The following PPIL2 variants were observed in gnomAD, a reference collection of about 807,000 sequenced individuals.
The protein encoded by PPIL2 is RING-type E3 ubiquitin-protein ligase PPIL2.
In PPIL2, 50 loss-of-function variants were observed where a neutral mutation model predicts 75.2. The ratio of observed to expected loss-of-function variants is 0.66; its 90% CI spans 0.53 to 0.84. The LOEUF (loss-of-function observed/expected upper bound fraction) is 0.84. PPIL2 is among the 40% of genes least tolerant of loss of function. The pLI, the probability that PPIL2 is intolerant of heterozygous loss-of-function variation, is 0.00. For synonymous variants in PPIL2, 245 were observed against 258.8 expected (o/e 0.95, Z 0.51); for missense variants, 590 against 685.0 (o/e 0.86, Z 1.55).
At chr22:21,679,262 G>A (rs1337250768) in intron 6 of PPIL2, among the ~76,000 whole-genome samples, 1 of 151,756 alleles carries the variant, frequency 6.6e-6, no homozygotes, top group Non-Finnish European at 1.5e-5. Flanking sequence ...GGCTGGTCTT[G>A]AAGTCCTGGG....
At chr22:21,674,787 A>G (rs1057128129) in intron 5 of PPIL2, among the ~76,000 whole-genome samples, 4 of 152,242 alleles carry the variant, frequency 2.6e-5, no homozygotes, top group African/African-American at 9.6e-5. Context: ...ACCCTGCAGA[A>G]GTATAACACA....
intron 6 of PPIL2, 148 bp from the exon 7 acceptor site, chr22:21,681,151 G>C (rs988921170): frequency 9.1e-6 from 6 of 660,234 alleles, no homozygotes; most frequent in Non-Finnish European, 1.4e-5. Flanking sequence ...TGTCCCCATG[G>C]TTCCCTGCTC....
chr22:21,670,373 C>A, intron 2 of PPIL2, 193 bp from the exon 3 acceptor site: 1 of 1,502,430 alleles, frequency 6.7e-7, no homozygotes, highest in Non-Finnish European at 8.9e-7. Flanking sequence ...ATGCACTTTT[C>A]CCAGTAAGTT....
Position 21,695,953 on chromosome 22 carries a change from C to A in PPIL2, c.*463C>A. On this transcript the variant is annotated 3_prime_UTR_variant, in exon 20 of 20. Transcript: ENST00000398831. ...CCTCCTGCCTCAGCCTCGCAAGTAGCTGGGACTACAGCCGTGCACCACTAC... is the reference window on the plus strand; with the variant it reads ...CCTCCTGCCTCAGCCTCGCAAGTAGATGGGACTACAGCCGTGCACCACTAC... 2 of 664,112 alleles carry A rather than the reference C, an allele frequency of 3.0e-6. No individual in the cohort carries two copies. The highest frequency in any genetic ancestry group is 2.0e-5 in the African/African-American group (1 of 51,184). 41.1% of individuals were successfully genotyped at this position (664,112 alleles called of 1,614,324 possible). A position where few individuals can be genotyped will look rare whatever the true frequency, so the allele number is the denominator to read the frequency against.
intron 19 of PPIL2, 33 bp downstream of exon 19, chr22:21,695,103 C>G (rs768888478): frequency 7.7e-6 from 12 of 1,560,820 alleles, no homozygotes; most frequent in Middle Eastern, 1.9e-4. Context: ...CCCTGTTTCC[C>G]ATGGTGTTTC....
At position 21,681,402 on chromosome 22, in the gene PPIL2, C is replaced by T; in HGVS notation, c.387+12C>T. Reference sequence around the variant, plus strand: ...TCTACGCCTATGAGGTGTGTCCTCGCTCCGGGGCGTGGAGACAGCGGTGGG... The same window carrying T: ...TCTACGCCTATGAGGTGTGTCCTCGTTCCGGGGCGTGGAGACAGCGGTGGG... On this transcript the variant is annotated intron_variant, in intron 7 of 19. Transcript: ENST00000398831. The T allele has an allele frequency of 6.2e-7, 1 of 1,603,066 alleles. No individual in the cohort carries two copies. Among genetic ancestry groups the T allele is most frequent in the Non-Finnish European group, 8.5e-7 (1 of 1,170,002 alleles).
intron 3 of PPIL2, 153 bp downstream of exon 3, chr22:21,670,764 G>T (rs1274600102): frequency 4.2e-6 from 4 of 948,066 alleles, no homozygotes; most frequent in African/African-American, 1.6e-5. Context: ...CAGAGTCCTC[G>T]TCATGATGTT....
In PPIL2 at chr22:21,697,674, A is replaced by C. The variant is rs1431607253; in HGVS notation, c.*2184A>C. The C allele has an allele frequency of 6.6e-6, 1 of 152,572 alleles. No homozygotes were observed. The highest frequency in any genetic ancestry group is 2.4e-5 in the African/African-American group (1 of 41,466). 9.5% of individuals were successfully genotyped at this position (152,572 alleles called of 1,614,324 possible). A position where few individuals can be genotyped will look rare whatever the true frequency, so the allele number is the denominator to read the frequency against. Reference sequence around the variant, plus strand: ...CAGTCCTGCTCCTTGCAGTGAAGCCACCATGGGTGACCGTCCAGCCTCACC... The same window carrying C: ...CAGTCCTGCTCCTTGCAGTGAAGCCCCCATGGGTGACCGTCCAGCCTCACC... On this transcript the variant is annotated 3_prime_UTR_variant, in exon 20 of 20. Transcript: ENST00000398831.
Position 21,696,407 on chromosome 22 carries a change from G to C in PPIL2, c.*917G>C, listed in dbSNP as rs1231518963. 2.6e-6 allele frequency: 3 copies of C among 1,164,900 alleles called. No individual in the cohort carries two copies. The highest frequency in any genetic ancestry group is 3.2e-6 in the Non-Finnish European group (3 of 935,096). The allele number at this position is 1,164,900 out of a possible 1,614,324, so 72.2% of individuals were successfully genotyped here. A position where few individuals can be genotyped will look rare whatever the true frequency, so the allele number is the denominator to read the frequency against. ...GCCCTCCTGCTGAAGTGGCCTTGCT[G>C]CTCTCAGGCCCGGCCACTGGGCTCC... On this transcript the variant is annotated 3_prime_UTR_variant, in exon 20 of 20. Coordinates refer to ENST00000398831, the MANE Select transcript of PPIL2 (RefSeq NM_014337.4).
chr22:21,667,713 G>A (rs1337399873), intron 1 of PPIL2, among the ~76,000 whole-genome samples: 2 of 150,544 alleles, frequency 1.3e-5, no homozygotes, highest in East Asian at 3.9e-4. Flanking sequence ...CCAGTCTTGT[G>A]TAGTTAGTGG....
rs867650207 is a variant in PPIL2, at chr22:21,681,128, G to A, written c.296-171G>A. 6.4e-4 allele frequency among the ~76,000 whole-genome samples: 98 copies of A among 152,318 alleles called. No individual in the cohort carries two copies. In the Middle Eastern group the frequency reaches 0.01, roughly 16 times the overall value. The stretch of plus-strand genomic sequence containing the variant: ...TTCCTAACGGTGTGGAAGGGCTTGA[G>A]GGGGTGAGCAGCTGTCCCCATGGTT... On this transcript the variant is annotated intron_variant, in intron 6 of 19. Transcript: ENST00000398831.
In PPIL2 at chr22:21,697,240, GCCAGCGT is replaced by G. The variant is rs1442877282; in HGVS notation, c.*1755_*1761del. ...TGTCCACACACCTGTAGGCCTCTGAGCCAGCGTCCAGGGTACAGGTGCGGGTGGTGGG... is the reference window on the plus strand; with the variant it reads ...TGTCCACACACCTGTAGGCCTCTGAGCCAGGGTACAGGTGCGGGTGGTGGG... On this transcript the variant is annotated 3_prime_UTR_variant, in exon 20 of 20. Transcript: ENST00000398831. 5.8e-6 allele frequency: 3 copies of G among 520,146 alleles called. No homozygotes were observed. The highest frequency in any genetic ancestry group is 1.0e-5 in the Non-Finnish European group (3 of 287,588). 32.2% of individuals were successfully genotyped at this position (520,146 alleles called of 1,614,324 possible).
chr22:21,686,891 G>A lies in PPIL2; in HGVS notation c.791-1G>A. ...GGCTGAGCTGGGACCTTGGCTTGTAGCTGCCATCGACGAGGATGTGCTGCG... is the reference window on the plus strand; with the variant it reads ...GGCTGAGCTGGGACCTTGGCTTGTAACTGCCATCGACGAGGATGTGCTGCG... On this transcript the variant is annotated splice_acceptor_variant, in intron 11 of 19. Coordinates refer to ENST00000398831, the MANE Select transcript of PPIL2 (RefSeq NM_014337.4). LOFTEE classifies it high-confidence loss of function. The A allele has an allele frequency of 6.2e-7, 1 of 1,613,908 alleles. No individual in the cohort carries two copies. Among genetic ancestry groups the A allele is most frequent in the Non-Finnish European group, 8.5e-7 (1 of 1,179,968 alleles).
chr22:21,684,893 A>G lies in PPIL2; in HGVS notation c.694A>G (p.Lys232Glu). 6.2e-7 allele frequency: 1 copy of G among 1,613,982 alleles called. No homozygotes were observed. The highest frequency in any genetic ancestry group is 8.5e-7 in the Non-Finnish European group (1 of 1,179,890). The stretch of plus-strand genomic sequence containing the variant: ...CACCATGAAGGCCCCGGAGAAGAAG[A>G]AAGTGGACAAGCTGAACGCTGTGAG... ...AATMKAPEKKKVDKLNAAHYS... is the reference protein window; with the variant it reads ...AATMKAPEKKEVDKLNAAHYS... Residue 232 changes from lysine to glutamate, a missense_variant, in exon 10 of 20, where the codon AAA becomes GAA. Transcript: ENST00000398831.
intron 1 of PPIL2, 47 bp from the exon 2 acceptor site, chr22:21,669,866 T>C: frequency 6.4e-7 from 1 of 1,566,064 alleles, no homozygotes; most frequent in Non-Finnish European, 8.8e-7. Context: ...GACTTCGTCC[T>C]CTTTATAAAG....
At chr22:21,677,318 C>G (rs578124212) in intron 6 of PPIL2, among the ~76,000 whole-genome samples, 2 of 152,346 alleles carry the variant, frequency 1.3e-5, no homozygotes, top group South Asian at 4.1e-4. Flanking sequence ...AGGCTGCAAT[C>G]TCGGCACTTT....
chr22:21,693,916 G>A, intron 16 of PPIL2, 44 bp downstream of exon 16: 1 of 1,520,600 alleles, frequency 6.6e-7, no homozygotes, highest in Non-Finnish European at 9.1e-7. Context: ...CAGTGGGCTA[G>A]GTGGGTTCCT....
chr22:21,666,442 C>G (rs1569013020), intron 1 of PPIL2, among the ~76,000 whole-genome samples: 1 of 152,348 alleles, frequency 6.6e-6, no homozygotes, highest in East Asian at 1.9e-4. Context: ...GTCTCTACCT[C>G]TTCCGTACTT....
intron 10 of PPIL2, 100 bp downstream of exon 10, chr22:21,685,013 G>C: frequency 6.8e-7 from 1 of 1,471,302 alleles, no homozygotes. Flanking sequence ...TGGGGGCCTG[G>C]GATACACGGC....
Sources: allele counts gnomAD v4.1 joint callset (sites outside exome capture counted in the v4.1 genomes callset), GRCh38; gene constraint gnomAD v4.1.1; transcripts MANE v1.5; gene names NCBI Gene and HGNC (gene_info 2026-07-23, HGNC 2026-07-21).